GABRG3: variants seen among roughly 807,000 people sequenced by gnomAD.
GABRG3 encodes the protein gamma-aminobutyric acid receptor subunit gamma-3.
In GABRG3, 25 loss-of-function variants were observed where a neutral mutation model predicts 48.8. The ratio of observed to expected loss-of-function variants is 0.51; its 90% CI spans 0.37 to 0.72. The LOEUF (loss-of-function observed/expected upper bound fraction) is 0.72, where lower values mean the gene tolerates loss of function less well. Among genes scored for constraint, GABRG3 ranks in the 30% least tolerant of loss-of-function variants. GABRG3 has a pLI of 0.00. For missense variants in GABRG3, 394 were observed against 577.9 expected (o/e 0.68, Z 3.26); for synonymous variants, 227 against 217.6 (o/e 1.04, Z -0.38).
intron 9 of GABRG3, among the ~76,000 whole-genome samples, chr15:27,529,270 C>T (rs73373609): frequency 0.03 from 4,532 of 152,132 alleles, 250 homozygotes; most frequent in African/African-American, 0.1. Flanking sequence ...TTAACAAGTC[C>T]GAATTTCTTT....
chr15:27,402,957 T>C lies in GABRG3; in HGVS notation c.574+74069T>C, dbSNP rs572759642. Among the ~76,000 whole-genome samples, 18 of 152,244 alleles carry C rather than the reference T, an allele frequency of 1.2e-4. No homozygotes were observed. The East Asian group carries it at 1.7e-3, about 15-fold the overall frequency. On this transcript the variant is annotated intron_variant, in intron 5 of 9. Coordinates refer to ENST00000615808, the MANE Select transcript of GABRG3 (RefSeq NM_033223.5). ...CATAGGTCTAGAGCATGTACCTATG[T>C]GATCATCCTGGGGTCTTGTGGTCCG...
rs1005995841 is a variant in GABRG3, at chr15:26,976,731, G to A, written c.54-271G>A. Among the ~76,000 whole-genome samples the A allele has an allele frequency of 3.3e-5, 5 of 152,106 alleles. No individual in the cohort carries two copies. Among genetic ancestry groups the A allele is most frequent in the Admixed American group, 6.5e-5 (1 of 15,274 alleles). On this transcript the variant is annotated intron_variant, in intron 1 of 9. Coordinates refer to ENST00000615808, the MANE Select transcript of GABRG3 (RefSeq NM_033223.5). This position sits in a 1 kb window ranked among gnomAD's most constrained non-coding sequence, Gnocchi z 7.8. ...CCCTCTGGTGTTGTTTACCTGCCAC[G>A]TTGTCTGTAGTTTAACTGGGATGGG...
In GABRG3 at chr15:27,099,008, C is replaced by A. The variant is rs148736643; in HGVS notation, c.270+72187C>A. Among the ~76,000 whole-genome samples, 21 of 151,998 alleles carry A rather than the reference C, an allele frequency of 1.4e-4. No individual in the cohort carries two copies. In the East Asian group the frequency reaches 3.9e-3, roughly 28 times the overall value. The stretch of plus-strand genomic sequence containing the variant: ...CAGTCCCGTAATATGTCCAAAGTGC[C>A]GAGGATATGATCAAAACTCACTTGA... On this transcript the variant is annotated intron_variant, in intron 3 of 9. Transcript: ENST00000615808.
At chr15:27,364,749 A>G (rs1272465873) in intron 5 of GABRG3, 1 of 152,200 alleles carries the variant, frequency 6.6e-6, no homozygotes, top group Admixed American at 6.5e-5. Context: ...TGGCTACATC[A>G]TGATCACTAA....
At chr15:26,980,681 CAAAAA>C (rs67711680) in intron 2 of GABRG3, among the ~76,000 whole-genome samples, 8 of 124,038 alleles carry the variant, frequency 6.4e-5, no homozygotes, top group African/African-American at 1.6e-4. Context: ...TCCTCTGTCT[CAAAAA>C]AAAAAAAAAA....
At chr15:27,088,123 G>GTGTA (rs1185770679) in intron 3 of GABRG3, among the ~76,000 whole-genome samples, 1 of 151,928 alleles carries the variant, frequency 6.6e-6, no homozygotes, top group Non-Finnish European at 1.5e-5. Flanking sequence ...GTGTGTGTGT[G>GTGTA]TGTGCACGCA....
intron 5 of GABRG3, among the ~76,000 whole-genome samples, chr15:27,445,223 G>A (rs1170892456): frequency 3.9e-5 from 6 of 152,172 alleles, no homozygotes; most frequent in African/African-American, 1.4e-4. Flanking sequence ...GGCTAGAAGT[G>A]AAACTGCTGG....
At chr15:27,125,995 C>T (rs1897813710) in intron 3 of GABRG3, among the ~76,000 whole-genome samples, 1 of 152,222 alleles carries the variant, frequency 6.6e-6, no homozygotes, top group Non-Finnish European at 1.5e-5. Flanking sequence ...CTGCCTTATG[C>T]ATGCAACTCA....
Position 27,520,136 on chromosome 15 carries a change from AAAATCTC to A in GABRG3, c.865+13_865+19del, listed in dbSNP as rs752863668. 23 of 1,585,578 alleles carry A rather than the reference AAAATCTC, an allele frequency of 1.5e-5. No homozygotes were observed. In the East Asian group the frequency reaches 5.2e-4, roughly 36 times the overall value. ...AAGAACAGCATTAGGTGAGTTTCAA[AAAATCTC>A]TTCCACAAATTTGCGTAATTGTAAT... On this transcript the variant is annotated intron_variant, in intron 7 of 9. Coordinates refer to ENST00000615808, the MANE Select transcript of GABRG3 (RefSeq NM_033223.5).
intron 3 of GABRG3, chr15:27,295,332 A>T (rs909531464): frequency 4.6e-5 from 7 of 152,246 alleles, no homozygotes; most frequent in South Asian, 2.1e-4. Context: ...ATTGGTGTAA[A>T]GCCTTATTTA....
chr15:27,213,466 T>A (rs1889136991), intron 3 of GABRG3, among the ~76,000 whole-genome samples: 1 of 152,158 alleles, frequency 6.6e-6, no homozygotes, highest in Admixed American at 6.5e-5. Context: ...GACTGGTCAT[T>A]TCAGTTACTT....
chr15:27,383,490 G>GCCCAGAAAAATTCTGATGTAGTC (rs1895837706), intron 5 of GABRG3, among the ~76,000 whole-genome samples: 1 of 151,986 alleles, frequency 6.6e-6, no homozygotes. Flanking sequence ...TCATTTAGTT[G>GCCCAGAAAAATTCTGATGTAGTC]CCCAGAAAAA....
chr15:27,421,216 C>T (rs1888103257), intron 5 of GABRG3, among the ~76,000 whole-genome samples: 1 of 152,086 alleles, frequency 6.6e-6, no homozygotes, highest in Non-Finnish European at 1.5e-5. Context: ...GAAAGAAGGC[C>T]CACACATTGA....
At chr15:27,456,112 A>C (rs948193226) in intron 5 of GABRG3, among the ~76,000 whole-genome samples, 7 of 152,038 alleles carry the variant, frequency 4.6e-5, no homozygotes, top group Admixed American at 4.6e-4. Context: ...CCTGCAGGTG[A>C]TTCTGTTTTC....
intron 5 of GABRG3, chr15:27,340,740 A>G (rs1894143486): frequency 6.0e-6 from 1 of 165,662 alleles, no homozygotes; most frequent in African/African-American, 2.4e-5. Context: ...TACTAGTCAG[A>G]CATTTTCTAT....
chr15:27,028,774 C>G (rs920591217), intron 3 of GABRG3, among the ~76,000 whole-genome samples: 16 of 147,196 alleles, frequency 1.1e-4, no homozygotes, highest in African/African-American at 3.5e-4. Context: ...CCACTGCACT[C>G]CAGCCTGGGT....
intron 5 of GABRG3, among the ~76,000 whole-genome samples, chr15:27,426,536 C>G (rs1231197583): frequency 6.6e-6 from 1 of 152,054 alleles, no homozygotes; most frequent in African/African-American, 2.4e-5. Context: ...CTTTCTTGGC[C>G]AGGCGTGGTG....
At chr15:27,018,320 C>T (rs1895816052) in intron 2 of GABRG3, among the ~76,000 whole-genome samples, 2 of 152,142 alleles carry the variant, frequency 1.3e-5, no homozygotes, top group Admixed American at 6.5e-5. Flanking sequence ...CTTTCGAGTA[C>T]CTACCCATCA....
chr15:27,104,435 A>C (rs922815954), intron 3 of GABRG3, among the ~76,000 whole-genome samples: 1 of 152,154 alleles, frequency 6.6e-6, no homozygotes, highest in Non-Finnish European at 1.5e-5. Flanking sequence ...GGACTTTAAA[A>C]ATTTGTGTTT....
Sources: allele counts gnomAD v4.1 joint callset (sites outside exome capture counted in the v4.1 genomes callset), GRCh38; gene constraint gnomAD v4.1.1; non-coding constraint Gnocchi (gnomAD v3.1); transcripts MANE v1.5; gene names NCBI Gene and HGNC (gene_info 2026-07-23, HGNC 2026-07-21).